The following IQGAP2 variants were observed in gnomAD, a reference collection of about 807,000 sequenced individuals.
The protein encoded by IQGAP2 is IQ motif containing GTPase activating protein 2.
Under a neutral mutation model 201.3 loss-of-function variants are expected in IQGAP2, and 173 were observed. The ratio of observed to expected loss-of-function variants is 0.86; its 90% confidence interval spans 0.76 to 0.98. IQGAP2 has a LOEUF of 0.98. Ranked by LOEUF, IQGAP2 falls within the 50% of genes least tolerant of loss-of-function variation. The pLI is 0.00. For missense variants in IQGAP2, 1,687 were observed against 1,864.8 expected (o/e 0.90, Z 1.76); for synonymous variants, 675 against 673.9 (o/e 1.00, Z -0.03).
intron 2 of IQGAP2, among the ~76,000 whole-genome samples, chr5:76,472,018 G>A (rs1322905461): frequency 3.3e-5 from 5 of 152,150 alleles, no homozygotes; most frequent in South Asian, 2.1e-4. Flanking sequence ...TGCTTTCCAC[G>A]GGGAGCAAGA....
At chr5:76,435,467 A>T (rs1347150543) in intron 1 of IQGAP2, among the ~76,000 whole-genome samples, 2 of 151,962 alleles carry the variant, frequency 1.3e-5, no homozygotes, top group Admixed American at 1.3e-4. Flanking sequence ...TTTCCAGTTT[A>T]TGTTTTTGTA....
At position 76,618,074 on chromosome 5, in the gene IQGAP2, C is replaced by T. The variant is rs751488394; in HGVS notation, c.1521+6891C>T. The T allele has an allele frequency of 3.1e-6, 5 of 1,614,096 alleles. No homozygotes were observed. In the South Asian group the frequency reaches 3.3e-5, roughly 11 times the overall value. ...TTGCCCACACCAGTCCACATGTTAC[C>T]AAGGCATAGGTGTGCTTGGGCAGGC... On this transcript the variant is annotated intron_variant, in intron 13 of 35. Coordinates refer to ENST00000274364, the MANE Select transcript of IQGAP2 (RefSeq NM_006633.5).
Position 76,403,683 on chromosome 5 carries a change from G to T in IQGAP2, c.46+92G>T. The T allele has an allele frequency of 1.7e-6, 2 of 1,144,286 alleles. No individual in the cohort carries two copies. Among genetic ancestry groups the T allele is most frequent in the Non-Finnish European group, 2.3e-6 (2 of 854,134 alleles). The allele number at this position is 1,144,286 out of a possible 1,614,324, so 70.9% of individuals were successfully genotyped here. On this transcript the variant is annotated intron_variant, in intron 1 of 35. Transcript: ENST00000274364. The surrounding 1 kb of genome is among the most constrained non-coding windows in gnomAD (Gnocchi z 4.8). ...GAGAAGCCGAGGGAGCCGGTTGCGC[G>T]GCGCAGAGGAAATTGGAAGGCAGCA...
intron 13 of IQGAP2, among the ~76,000 whole-genome samples, chr5:76,619,668 C>A (rs1212752925): frequency 6.6e-6 from 1 of 152,036 alleles, no homozygotes; most frequent in Non-Finnish European, 1.5e-5. Context: ...AAGCGCCCGC[C>A]ACCAGGCCTG....
At chr5:76,674,095 C>A in intron 26 of IQGAP2, 59 bp downstream of exon 26, 1 of 915,026 alleles carries the variant, frequency 1.1e-6, no homozygotes, top group Non-Finnish European at 1.8e-6. Flanking sequence ...TCAAAATTAC[C>A]AACATATAAC....
chr5:76,413,416 G>C (rs115627561), intron 1 of IQGAP2, among the ~76,000 whole-genome samples: 4 of 152,014 alleles, frequency 2.6e-5, no homozygotes, highest in African/African-American at 4.8e-5. Context: ...TGATCCATCC[G>C]TCTCGGCCTC....
intron 5 of IQGAP2, among the ~76,000 whole-genome samples, chr5:76,576,903 A>C (rs141310121): frequency 2.3e-3 from 353 of 152,362 alleles, no homozygotes; most frequent in African/African-American, 8.1e-3. Context: ...TGGCGAGAGT[A>C]TCATTATGCC....
intron 2 of IQGAP2, among the ~76,000 whole-genome samples, chr5:76,474,060 T>C (rs1489902639): frequency 6.6e-6 from 1 of 152,232 alleles, no homozygotes; most frequent in Non-Finnish European, 1.5e-5. Context: ...GATCTTCCAT[T>C]GCCTTCTCAG....
intron 24 of IQGAP2, 89 bp from the exon 25 acceptor site, chr5:76,673,360 A>G (rs1237605309): frequency 2.2e-6 from 3 of 1,390,660 alleles, no homozygotes; most frequent in South Asian, 1.4e-5. Context: ...CCAATTCACT[A>G]TACAAAGCTT....
At chr5:76,456,736 A>G (rs562559683) in intron 1 of IQGAP2, among the ~76,000 whole-genome samples, 35 of 152,290 alleles carry the variant, frequency 2.3e-4, no homozygotes, top group African/African-American at 7.7e-4. Flanking sequence ...ATTCAAGTAT[A>G]CTTAGGATTC....
chr5:76,475,656 C>T (rs1374962801), intron 2 of IQGAP2, among the ~76,000 whole-genome samples: 1 of 152,170 alleles, frequency 6.6e-6, no homozygotes, highest in Non-Finnish European at 1.5e-5. Context: ...CATCCCTTTT[C>T]CTTGGTAATC....
At chr5:76,649,345 C>T (rs988664321) in intron 17 of IQGAP2, among the ~76,000 whole-genome samples, 3 of 152,078 alleles carry the variant, frequency 2.0e-5, no homozygotes, top group African/African-American at 7.2e-5. Flanking sequence ...AATTTTATAT[C>T]CAGCAAAAAT....
chr5:76,481,979 T>C (rs553254117), intron 2 of IQGAP2, among the ~76,000 whole-genome samples: 24 of 152,298 alleles, frequency 1.6e-4, no homozygotes, highest in African/African-American at 5.8e-4. Flanking sequence ...TTTAAGAGAA[T>C]AGAAACAGAG....
intron 1 of IQGAP2, among the ~76,000 whole-genome samples, chr5:76,420,253 GT>G (rs566426307): frequency 8.0e-4 from 119 of 149,472 alleles, no homozygotes; most frequent in Admixed American, 2.5e-3. Flanking sequence ...ATTTGTATGT[GT>G]TTTTTTTTGT....
At chr5:76,566,850 C>T (rs1019231268) in intron 3 of IQGAP2, among the ~76,000 whole-genome samples, 2 of 151,906 alleles carry the variant, frequency 1.3e-5, no homozygotes, top group African/African-American at 4.8e-5. Flanking sequence ...AGGGAGCAGT[C>T]CCGTCCATTC....
chr5:76,680,633 A>G (rs544910121), intron 28 of IQGAP2, among the ~76,000 whole-genome samples: 1 of 149,028 alleles, frequency 6.7e-6, no homozygotes, highest in Non-Finnish European at 1.5e-5. Flanking sequence ...ACAAAATAGG[A>G]AAAAAAAATT....
intron 13 of IQGAP2, among the ~76,000 whole-genome samples, chr5:76,619,875 A>G (rs556304144): frequency 6.6e-6 from 1 of 152,276 alleles, no homozygotes; most frequent in South Asian, 2.1e-4. Context: ...AAATATAATC[A>G]TAACAGTCCA....
At chr5:76,425,893 G>A (rs1170064738) in intron 1 of IQGAP2, among the ~76,000 whole-genome samples, 1 of 152,198 alleles carries the variant, frequency 6.6e-6, no homozygotes, top group East Asian at 1.9e-4. Flanking sequence ...GTTCATGCAT[G>A]CTGGGGTTAG....
intron 2 of IQGAP2, among the ~76,000 whole-genome samples, chr5:76,520,767 G>A (rs1389748803): frequency 6.9e-6 from 1 of 145,424 alleles, no homozygotes; most frequent in East Asian, 2.1e-4. Context: ...GCAGTGAGTG[G>A]CACGATCTCG....
Sources: gnomAD v4.1 joint callset for allele counts (sites outside exome capture counted in the v4.1 genomes callset) on GRCh38, gnomAD v4.1.1 for gene constraint, Gnocchi (gnomAD v3.1) non-coding constraint, MANE v1.5 for transcripts, NCBI Gene and HGNC (gene_info 2026-07-23, HGNC 2026-07-21) for gene names.